WWOX: variants seen among roughly 807,000 people sequenced by gnomAD.
WWOX encodes the protein WW domain containing oxidoreductase.
WWOX carries 69 observed loss-of-function variants against 46.2 expected under a neutral mutation model. That is an observed-to-expected ratio of 1.49 (90% CI 1.23 to 1.82). The LOEUF is 1.82. WWOX is among the 40% of genes most tolerant of loss of function. The pLI, the probability that WWOX is intolerant of heterozygous loss-of-function variation, is 0.00. For missense variants in WWOX, 919 were observed against 542.6 expected (o/e 1.69, Z -6.89); for synonymous variants, 359 against 202.6 (o/e 1.77, Z -6.56).
chr16:78,384,331 A>T (rs2082016867), intron 5 of WWOX, among the ~76,000 whole-genome samples: 1 of 152,168 alleles, frequency 6.6e-6, no homozygotes, highest in Non-Finnish European at 1.5e-5. Flanking sequence ...ACTTAGGATG[A>T]GGATGAAAGG....
At chr16:78,689,915 C>T (rs1030870309) in intron 8 of WWOX, among the ~76,000 whole-genome samples, 1 of 152,054 alleles carries the variant, frequency 6.6e-6, no homozygotes, top group Non-Finnish European at 1.5e-5. Flanking sequence ...GGCTGCAGTG[C>T]AGTGATGCAA....
chr16:78,780,186 G>T (rs1355882534), intron 8 of WWOX, among the ~76,000 whole-genome samples: 2 of 152,038 alleles, frequency 1.3e-5, no homozygotes, highest in Middle Eastern at 3.2e-3. Flanking sequence ...GCCCTCACCT[G>T]GTTTTCTCTT....
chr16:79,152,673 G>GAAAAAA (rs5818205), intron 8 of WWOX, among the ~76,000 whole-genome samples: 1 of 125,758 alleles, frequency 8.0e-6, no homozygotes, highest in Non-Finnish European at 1.8e-5. Flanking sequence ...CCATCTCAAA[G>GAAAAAA]AAAAAAAAAA....
At chr16:78,220,399 C>G (rs1013423948) in intron 5 of WWOX, among the ~76,000 whole-genome samples, 2 of 45,456 alleles carry the variant, frequency 4.4e-5, no homozygotes, top group Non-Finnish European at 7.3e-5. Context: ...AAGTGAATAA[C>G]AAACATATAA....
At chr16:78,758,487 C>G (rs1180370496) in intron 8 of WWOX, among the ~76,000 whole-genome samples, 1 of 152,222 alleles carries the variant, frequency 6.6e-6, no homozygotes, top group Admixed American at 6.5e-5. Flanking sequence ...AGATTGGAAG[C>G]AGGCTTCCCC....
intron 8 of WWOX, among the ~76,000 whole-genome samples, chr16:78,689,212 C>T (rs888380757): frequency 6.6e-6 from 1 of 152,194 alleles, no homozygotes; most frequent in Non-Finnish European, 1.5e-5. Context: ...GCAGTAGTGA[C>T]CTTGTTGAGA....
intron 5 of WWOX, among the ~76,000 whole-genome samples, chr16:78,375,078 A>G (rs1337728322): frequency 1.3e-5 from 2 of 152,212 alleles, no homozygotes; most frequent in Non-Finnish European, 2.9e-5. Context: ...TTTTTTCCGA[A>G]GCACATTTAA....
chr16:79,032,877 C>T (rs2656643), intron 8 of WWOX, among the ~76,000 whole-genome samples: 1 of 151,106 alleles, frequency 6.6e-6, no homozygotes, highest in African/African-American at 2.4e-5. Flanking sequence ...GGTATTAAGC[C>T]TAGTGCCCAT....
chr16:78,328,276 C>T (rs2080675253), intron 5 of WWOX, among the ~76,000 whole-genome samples: 2 of 152,042 alleles, frequency 1.3e-5, no homozygotes, highest in African/African-American at 2.4e-5. Flanking sequence ...TTGTCGTGGT[C>T]TTGTTTATAA....
intron 8 of WWOX, among the ~76,000 whole-genome samples, chr16:79,186,730 C>G (rs965042121): frequency 6.6e-6 from 1 of 152,088 alleles, no homozygotes; most frequent in African/African-American, 2.4e-5. Flanking sequence ...CCTCAAGTAT[C>G]TAGTATACTT....
At chr16:78,593,350 A>T (rs1265347131) in intron 8 of WWOX, among the ~76,000 whole-genome samples, 1 of 151,992 alleles carries the variant, frequency 6.6e-6, no homozygotes, top group Non-Finnish European at 1.5e-5. Flanking sequence ...CTTGATACTG[A>T]TATTTTATTG....
chr16:78,864,091 C>T (rs1222780464), intron 8 of WWOX, among the ~76,000 whole-genome samples: 2 of 152,122 alleles, frequency 1.3e-5, no homozygotes, highest in Non-Finnish European at 2.9e-5. Context: ...ACACCTATTT[C>T]CAGTTCTTAG....
chr16:78,393,117 C>G (rs2082211837), intron 6 of WWOX, among the ~76,000 whole-genome samples: 1 of 152,164 alleles, frequency 6.6e-6, no homozygotes, highest in South Asian at 2.1e-4. Context: ...AGCCAGACTT[C>G]CTACTGCCTG....
chr16:78,270,469 A>G (rs1215209914), intron 5 of WWOX: 1 of 152,280 alleles, frequency 6.6e-6, no homozygotes, highest in Non-Finnish European at 1.5e-5. Context: ...CTCCTCAGCC[A>G]TGACTGAAAC....
At chr16:78,574,781 T>A (rs2044807721) in intron 8 of WWOX, among the ~76,000 whole-genome samples, 2 of 150,060 alleles carry the variant, frequency 1.3e-5, no homozygotes, top group South Asian at 4.3e-4. Flanking sequence ...AGAGTGAGAA[T>A]GGTGGTTGCT....
intron 8 of WWOX, among the ~76,000 whole-genome samples, chr16:78,781,474 T>C (rs142996938): frequency 7.2e-5 from 11 of 152,314 alleles, no homozygotes; most frequent in Non-Finnish European, 1.3e-4. Flanking sequence ...AGAACTGCTT[T>C]TCTTTTATCA....
chr16:78,959,478 G>GCCATCCATCTATCTGT (rs1365927313), intron 8 of WWOX, among the ~76,000 whole-genome samples: 1 of 152,184 alleles, frequency 6.6e-6, no homozygotes, highest in Non-Finnish European at 1.5e-5. Flanking sequence ...CACAGGGTTA[G>GCCATCCATCTATCTGT]CCATCCATCT....
At chr16:78,164,494 A>G (rs1046258087) in intron 5 of WWOX, among the ~76,000 whole-genome samples, 5 of 152,300 alleles carry the variant, frequency 3.3e-5, no homozygotes, top group South Asian at 4.1e-4. Flanking sequence ...GTTCATTGTC[A>G]GTGTCATCTG....
chr16:79,011,588 G>T (rs1027367635), intron 8 of WWOX, among the ~76,000 whole-genome samples: 1 of 150,994 alleles, frequency 6.6e-6, no homozygotes, highest in African/African-American at 2.4e-5. Flanking sequence ...GCCTCCCTGG[G>T]CTCAGTCGAT....
Sources: gnomAD v4.1 joint callset for allele counts (sites outside exome capture counted in the v4.1 genomes callset) on GRCh38, gnomAD v4.1.1 for gene constraint, MANE v1.5 for transcripts, NCBI Gene and HGNC (gene_info 2026-07-23, HGNC 2026-07-21) for gene names.